EXOC4: variants seen among roughly 807,000 people sequenced by gnomAD.
EXOC4 encodes the protein exocyst complex component 4.
Under a neutral mutation model 107.2 loss-of-function variants are expected in EXOC4, and 71 were observed. The ratio of observed to expected loss-of-function variants is 0.66; its 90% CI spans 0.55 to 0.81. The LOEUF (loss-of-function observed/expected upper bound fraction) is 0.81, where lower values mean the gene tolerates loss of function less well. Among genes scored for constraint, EXOC4 ranks in the 30% least tolerant of loss-of-function variants. The probability of loss-of-function intolerance (pLI) is 0.00; values close to 1 mark genes in which losing one functional copy is unlikely to be tolerated. For synonymous variants in EXOC4, 456 were observed against 441.2 expected, an observed-to-expected ratio of 1.03 and a Z score of -0.42; for missense variants, 1,108 against 1,189.6, an observed-to-expected ratio of 0.93 and a Z score of 1.01.
At chr7:134,035,557 A>G (rs1163115742) in intron 17 of EXOC4, among the ~76,000 whole-genome samples, 6 of 152,148 alleles carry the variant, frequency 3.9e-5, no homozygotes, top group African/African-American at 1.4e-4. Context: ...ACATCAGGAG[A>G]TTTATCTTTT....
chr7:133,576,443 TA>T (rs944885402), intron 9 of EXOC4: 7 of 1,220,404 alleles, frequency 5.7e-6, no homozygotes, highest in Non-Finnish European at 7.3e-6. Context: ...TTACTACACT[TA>T]AAAAATTATT....
intron 17 of EXOC4, among the ~76,000 whole-genome samples, chr7:134,040,434 A>G (rs1472495716): frequency 6.6e-6 from 1 of 151,680 alleles, no homozygotes; most frequent in African/African-American, 2.4e-5. Flanking sequence ...TCATTCTTCA[A>G]CTCCCAGCCT....
intron 10 of EXOC4, among the ~76,000 whole-genome samples, chr7:133,658,601 G>C (rs186641391): frequency 6.6e-6 from 1 of 152,090 alleles, no homozygotes; most frequent in East Asian, 1.9e-4. Flanking sequence ...TTGGGGTAAC[G>C]CTGCAGTTTA....
At chr7:133,582,148 C>T (rs1801292927) in intron 9 of EXOC4, among the ~76,000 whole-genome samples, 1 of 152,150 alleles carries the variant, frequency 6.6e-6, no homozygotes, top group Non-Finnish European at 1.5e-5. Flanking sequence ...CTCAAGTAGG[C>T]CCCAGTGTCT....
intron 9 of EXOC4, among the ~76,000 whole-genome samples, chr7:133,629,093 T>C (rs1191855630): frequency 6.6e-6 from 1 of 152,198 alleles, no homozygotes; most frequent in African/African-American, 2.4e-5. Context: ...TATTTCCTTA[T>C]TGAATGTGCC....
At chr7:133,437,277 A>C (rs930545086) in intron 7 of EXOC4, among the ~76,000 whole-genome samples, 1 of 152,158 alleles carries the variant, frequency 6.6e-6, no homozygotes, top group Non-Finnish European at 1.5e-5. Context: ...ATTATCCACC[A>C]GATGTTTAAG....
At chr7:133,560,460 T>G (rs971451868) in intron 9 of EXOC4, among the ~76,000 whole-genome samples, 1 of 152,088 alleles carries the variant, frequency 6.6e-6, no homozygotes, top group African/African-American at 2.4e-5. Context: ...AATTTTTATA[T>G]TTTTAGTAGA....
chr7:133,741,757 A>G (rs1044187592), intron 10 of EXOC4, among the ~76,000 whole-genome samples: 1 of 152,224 alleles, frequency 6.6e-6, no homozygotes, highest in Non-Finnish European at 1.5e-5. Flanking sequence ...TCACTAAGGC[A>G]TGTTTGAAAC....
chr7:133,395,040 T>G (rs895418373), intron 7 of EXOC4, among the ~76,000 whole-genome samples: 1 of 151,980 alleles, frequency 6.6e-6, no homozygotes, highest in Admixed American at 6.6e-5. Context: ...TCTATGGTAA[T>G]TAGTATAATT....
chr7:133,685,929 C>T (rs550178600), intron 10 of EXOC4, among the ~76,000 whole-genome samples: 14 of 152,140 alleles, frequency 9.2e-5, no homozygotes, highest in Non-Finnish European at 1.8e-4. Context: ...CATGTCCATG[C>T]GTACACACTA....
intron 10 of EXOC4, among the ~76,000 whole-genome samples, chr7:133,741,738 A>G (rs1428948387): frequency 6.6e-6 from 1 of 152,224 alleles, no homozygotes; most frequent in African/African-American, 2.4e-5. Flanking sequence ...AGGTACCTGA[A>G]CTAACATTTC....
At chr7:134,071,490 G>T (rs144849098), downstream of EXOC4, among the ~76,000 whole-genome samples, 2 of 152,328 alleles carry the variant, frequency 1.3e-5, no homozygotes, top group African/African-American at 4.8e-5. Context: ...CAAGGAGGGG[G>T]TTAAGGTCAG....
chr7:133,340,805 A>T (rs559209724), intron 5 of EXOC4, among the ~76,000 whole-genome samples: 5 of 151,984 alleles, frequency 3.3e-5, no homozygotes, highest in Admixed American at 6.5e-5. Context: ...TTTTCTAGTT[A>T]ATGCTCATAA....
intron 9 of EXOC4, among the ~76,000 whole-genome samples, chr7:133,601,452 G>C (rs1801805705): frequency 6.6e-6 from 1 of 151,846 alleles, no homozygotes; most frequent in Admixed American, 6.6e-5. Context: ...AATTCTAATA[G>C]GCCATAAATC....
intron 16 of EXOC4, among the ~76,000 whole-genome samples, chr7:134,005,914 C>T (rs908218767): frequency 8.5e-5 from 13 of 152,160 alleles, no homozygotes; most frequent in Non-Finnish European, 1.3e-4. Context: ...AAAATCCAAT[C>T]CTTAAATGTA....
chr7:133,783,619 G>A (rs1207611644), intron 10 of EXOC4, among the ~76,000 whole-genome samples: 1 of 152,208 alleles, frequency 6.6e-6, no homozygotes, highest in African/African-American at 2.4e-5. Flanking sequence ...TGTGTATTCG[G>A]TGAACTGTGT....
At chr7:133,724,241 A>G (rs1349272379) in intron 10 of EXOC4, among the ~76,000 whole-genome samples, 1 of 152,178 alleles carries the variant, frequency 6.6e-6, no homozygotes, top group Non-Finnish European at 1.5e-5. Flanking sequence ...TCTTTTGTTG[A>G]GAATCCTTCA....
chr7:134,068,853 A>G (rs1454343453), downstream of EXOC4, among the ~76,000 whole-genome samples: 92 of 152,346 alleles, frequency 6.0e-4, 1 homozygote, highest in Non-Finnish European at 5.9e-5. Context: ...CTGTCAAGTC[A>G]TATCCGTGAA....
At chr7:133,966,877 T>G (rs1166766619) in intron 14 of EXOC4, among the ~76,000 whole-genome samples, 1 of 152,184 alleles carries the variant, frequency 6.6e-6, no homozygotes, top group Non-Finnish European at 1.5e-5. Flanking sequence ...TTTTCTATTG[T>G]TTGGAATAGT....
Sources: gnomAD v4.1 joint callset for allele counts (sites outside exome capture counted in the v4.1 genomes callset) on GRCh38, gnomAD v4.1.1 for gene constraint, MANE v1.5 for transcripts, NCBI Gene and HGNC (gene_info 2026-07-23, HGNC 2026-07-21) for gene names.